The following SLC24A4 variants were observed in gnomAD, a reference collection of about 807,000 sequenced individuals.
The protein encoded by SLC24A4 is solute carrier family 24 member 4.
Under a neutral mutation model 79.0 loss-of-function variants are expected in SLC24A4, and 53 were observed. The ratio of observed to expected loss-of-function variants is 0.67; its 90% CI spans 0.54 to 0.84. SLC24A4 has a LOEUF of 0.84. Ranked by LOEUF, SLC24A4 falls within the 40% of genes least tolerant of loss-of-function variation. The pLI is 0.00. For synonymous variants in SLC24A4, 323 were observed against 323.8 expected (o/e 1.00, Z 0.03); for missense variants, 731 against 822.0 (o/e 0.89, Z 1.35).
chr14:92,494,963 CAATT>C lies in SLC24A4; in HGVS notation c.*1340_*1343del, dbSNP rs1208900056. ...GTTTATGATTTCTAAAAAGAAAGCA[CAATT>C]AATTTTATAGAGAGGTTTTTTATTT... is the stretch of plus-strand genomic sequence containing the variant. On this transcript the variant is annotated 3_prime_UTR_variant, in exon 17 of 17. Transcript: ENST00000532405. The surrounding 1 kb of genome is among the most constrained non-coding windows in gnomAD (Gnocchi z 4.6). 1 of 152,444 alleles carries C rather than the reference CAATT, an allele frequency of 6.6e-6. No homozygotes were observed. The highest frequency in any genetic ancestry group is 2.4e-5 in the African/African-American group (1 of 41,382). The allele number at this position is 152,444 out of a possible 1,614,324, so 9.4% of individuals were successfully genotyped here. A position where few individuals can be genotyped will look rare whatever the true frequency, so the allele number is the denominator to read the frequency against.
chr14:92,362,010 T>G (rs4904877), intron 2 of SLC24A4, among the ~76,000 whole-genome samples: 2 of 152,096 alleles, frequency 1.3e-5, no homozygotes, highest in Admixed American at 6.5e-5. Flanking sequence ...AGGTGGTGCT[T>G]GAGAAGTATT....
chr14:92,384,237 C>T (rs532249555), intron 2 of SLC24A4, among the ~76,000 whole-genome samples: 1 of 152,222 alleles, frequency 6.6e-6, no homozygotes, highest in South Asian at 2.1e-4. Flanking sequence ...AAATGACAGG[C>T]CTCCTCAGGC....
intron 2 of SLC24A4, among the ~76,000 whole-genome samples, chr14:92,410,421 C>T (rs538364551): frequency 1.8e-4 from 27 of 152,140 alleles, no homozygotes; most frequent in Non-Finnish European, 2.1e-4. Flanking sequence ...TTCAGGCGAT[C>T]CTCTCACCTT....
chr14:92,410,996 A>G (rs979988367), intron 2 of SLC24A4, among the ~76,000 whole-genome samples: 1 of 152,154 alleles, frequency 6.6e-6, no homozygotes, highest in African/African-American at 2.4e-5. Flanking sequence ...TGTTCTTTCC[A>G]TTAGCATGGA....
At chr14:92,476,088 G>C (rs1894747973) in intron 12 of SLC24A4, among the ~76,000 whole-genome samples, 1 of 152,180 alleles carries the variant, frequency 6.6e-6, no homozygotes, top group Non-Finnish European at 1.5e-5. Flanking sequence ...TGGTGTCTGG[G>C]AACATATGAA....
Position 92,382,107 on chromosome 14 carries a change from T to C in SLC24A4, c.242-51805T>C, listed in dbSNP as rs985012371. The stretch of plus-strand genomic sequence containing the variant: ...GCATTCCTGTATATATATATAAACA[T>C]ACACACACACACACATAAATCTATA... On this transcript the variant is annotated intron_variant, in intron 2 of 16. Coordinates refer to ENST00000532405, the MANE Select transcript of SLC24A4 (RefSeq NM_153646.4). Among the ~76,000 whole-genome samples the C allele has an allele frequency of 2.6e-3, 387 of 151,574 alleles. 2 individuals carry two copies. The highest frequency in any genetic ancestry group is 8.7e-3 in the African/African-American group (361 of 41,320).
chr14:92,493,521 G>T lies in SLC24A4; in HGVS notation c.1762G>T (p.Gly588Cys), dbSNP rs766433283. 1 of 1,614,202 alleles carries T rather than the reference G, an allele frequency of 6.2e-7. No individual in the cohort carries two copies. The highest frequency in any genetic ancestry group is 1.1e-5 in the South Asian group (1 of 91,076). The change falls in exon 17 of 17, where the codon GGT becomes TGT. Residue 588 changes from glycine to cysteine, a missense_variant. Coordinates refer to ENST00000532405, the MANE Select transcript of SLC24A4 (RefSeq NM_153646.4). ...LNKWRLDRKLGVYVLVLYAIF... is the reference protein window; with the variant it reads ...LNKWRLDRKLCVYVLVLYAIF... ...CAAGTGGCGACTGGACCGGAAGCTG[G>T]GTGTCTACGTGCTGGTTCTCTACGC...
At chr14:92,472,918 C>T (rs756414334) in intron 12 of SLC24A4, among the ~76,000 whole-genome samples, 1 of 152,144 alleles carries the variant, frequency 6.6e-6, no homozygotes, top group African/African-American at 2.4e-5. Flanking sequence ...GTAGAAGTTA[C>T]TCAGTTCTAA....
intron 12 of SLC24A4, among the ~76,000 whole-genome samples, chr14:92,469,222 A>T (rs1259398358): frequency 6.6e-6 from 1 of 152,118 alleles, no homozygotes; most frequent in Non-Finnish European, 1.5e-5. Flanking sequence ...TAAATAGTAA[A>T]CATAGGCCAG....
At chr14:92,445,603 T>G (rs536667356) in intron 8 of SLC24A4, among the ~76,000 whole-genome samples, 1 of 152,314 alleles carries the variant, frequency 6.6e-6, no homozygotes, top group East Asian at 1.9e-4. Context: ...CAGTATGGTA[T>G]TTTGCAAAGG....
intron 16 of SLC24A4, among the ~76,000 whole-genome samples, chr14:92,492,612 C>T (rs1895744644): frequency 6.6e-6 from 1 of 152,154 alleles, no homozygotes; most frequent in African/African-American, 2.4e-5. Flanking sequence ...GCCTCCCTAC[C>T]CTACATGTCC....
At position 92,495,230 on chromosome 14, in the gene SLC24A4, C is replaced by T. The variant is rs1012990953; in HGVS notation, c.*1602C>T. 1 of 152,418 alleles carries T rather than the reference C, an allele frequency of 6.6e-6. No homozygotes were observed. The highest frequency in any genetic ancestry group is 2.4e-5 in the African/African-American group (1 of 41,422). 9.4% of individuals were successfully genotyped at this position (152,418 alleles called of 1,614,324 possible). On this transcript the variant is annotated 3_prime_UTR_variant, in exon 17 of 17. Coordinates refer to ENST00000532405, the MANE Select transcript of SLC24A4 (RefSeq NM_153646.4). ...AATTTCTGACTGTGCCCTTTAGGGC[C>T]TCCTGAGTTTCAAAAGGAGGAAGTG... is the stretch of plus-strand genomic sequence containing the variant.
chr14:92,333,947 T>C (rs2141601707), intron 2 of SLC24A4, among the ~76,000 whole-genome samples: 1 of 151,910 alleles, frequency 6.6e-6, no homozygotes, highest in Middle Eastern at 3.4e-3. Context: ...GACTCCCCTG[T>C]GCGGGGAGCA....
At chr14:92,361,892 A>G (rs2141667296) in intron 2 of SLC24A4, among the ~76,000 whole-genome samples, 1 of 152,292 alleles carries the variant, frequency 6.6e-6, no homozygotes, top group Admixed American at 6.5e-5. Flanking sequence ...AGGACATCAG[A>G]GGAACGGAAC....
intron 2 of SLC24A4, among the ~76,000 whole-genome samples, chr14:92,381,981 T>C (rs1888878076): frequency 1.3e-5 from 2 of 152,202 alleles, no homozygotes; most frequent in South Asian, 2.1e-4. Flanking sequence ...ATTTTAAAAA[T>C]GGATGTAAGT....
chr14:92,476,749 T>C (rs995833437), intron 12 of SLC24A4, among the ~76,000 whole-genome samples: 1 of 152,214 alleles, frequency 6.6e-6, no homozygotes, highest in Admixed American at 6.5e-5. Context: ...TAATCTACTT[T>C]CCGTCTCTAT....
At chr14:92,379,423 C>T (rs1276838507) in intron 2 of SLC24A4, among the ~76,000 whole-genome samples, 2 of 152,188 alleles carry the variant, frequency 1.3e-5, no homozygotes, top group African/African-American at 4.8e-5. Context: ...CTGCTCCTCC[C>T]TGGTTGCAGG....
At chr14:92,376,141 G>A (rs1245434013) in intron 2 of SLC24A4, among the ~76,000 whole-genome samples, 2 of 152,242 alleles carry the variant, frequency 1.3e-5, no homozygotes, top group Non-Finnish European at 2.9e-5. Flanking sequence ...GCCATATGGT[G>A]CAGTGGCAGA....
intron 2 of SLC24A4, among the ~76,000 whole-genome samples, chr14:92,339,312 G>A (rs1348072374): frequency 2.6e-5 from 4 of 152,188 alleles, no homozygotes; most frequent in Non-Finnish European, 4.4e-5. Context: ...CAAAGAGGGC[G>A]TCCCAGCAAA....
Sources: gnomAD v4.1 joint callset for allele counts (sites outside exome capture counted in the v4.1 genomes callset) on GRCh38, gnomAD v4.1.1 for gene constraint, Gnocchi (gnomAD v3.1) non-coding constraint, MANE v1.5 for transcripts, NCBI Gene and HGNC (gene_info 2026-07-23, HGNC 2026-07-21) for gene names.